The following CNTNAP2 variants were observed in gnomAD, a reference collection of about 807,000 sequenced individuals.
The protein encoded by CNTNAP2 is contactin associated protein 2.
Under a neutral mutation model 155.2 loss-of-function variants are expected in CNTNAP2, and 98 were observed. That is an observed-to-expected ratio of 0.63 (90% CI 0.54 to 0.75). The LOEUF (loss-of-function observed/expected upper bound fraction) is 0.75. Among genes scored for constraint, CNTNAP2 ranks in the 30% least tolerant of loss-of-function variants. The pLI, the probability that CNTNAP2 is intolerant of heterozygous loss-of-function variation, is 0.00. For missense variants in CNTNAP2, 1,727 were observed against 1,688.1 expected (o/e 1.02, Z -0.40); for synonymous variants, 651 against 631.2 (o/e 1.03, Z -0.47).
chr7:147,991,670 A>T (rs941933967), intron 15 of CNTNAP2, among the ~76,000 whole-genome samples: 1 of 152,330 alleles, frequency 6.6e-6, no homozygotes, highest in Non-Finnish European at 1.5e-5. Context: ...TATATAACTC[A>T]TTGTTTAATC....
At chr7:146,373,399 A>AACATAC (rs1449483896) in intron 1 of CNTNAP2, among the ~76,000 whole-genome samples, 2 of 131,092 alleles carry the variant, frequency 1.5e-5, no homozygotes, top group African/African-American at 8.7e-5. Context: ...AAAGGAACTT[A>AACATAC]ACACATACAC....
intron 10 of CNTNAP2, among the ~76,000 whole-genome samples, chr7:147,483,487 C>G (rs950591633): frequency 6.6e-6 from 1 of 152,036 alleles, no homozygotes; most frequent in Admixed American, 6.6e-5. Flanking sequence ...TTTCTATCAT[C>G]GAGATGATTT....
chr7:147,120,840 C>A, intron 5 of CNTNAP2, 139 bp from the exon 6 acceptor site: 4 of 763,260 alleles, frequency 5.2e-6, no homozygotes, highest in Non-Finnish European at 9.0e-6. Context: ...TCGTTACTTA[C>A]TGGTATCCCA....
intron 8 of CNTNAP2, among the ~76,000 whole-genome samples, chr7:147,251,662 TCTGA>T (rs1804201361): frequency 6.6e-6 from 1 of 152,196 alleles, no homozygotes; most frequent in African/African-American, 2.4e-5. Flanking sequence ...CTTGGTCATG[TCTGA>T]CTGTGCACTG....
intron 1 of CNTNAP2, among the ~76,000 whole-genome samples, chr7:146,300,756 A>C (rs115673914): frequency 0.029 from 4,425 of 152,224 alleles, 103 homozygotes; most frequent in African/African-American, 0.061. Flanking sequence ...GAAGAAATAA[A>C]TCAAAATAGG....
intron 16 of CNTNAP2, among the ~76,000 whole-genome samples, chr7:148,142,093 C>CTCTGTGTGTGTG (rs1554476721): frequency 2.2e-5 from 3 of 136,328 alleles, no homozygotes; most frequent in Admixed American, 7.3e-5. Flanking sequence ...AGATATGTCT[C>CTCTGTGTGTGTG]TGTGTGTGTG....
chr7:146,461,918 G>T (rs779905399), intron 1 of CNTNAP2, among the ~76,000 whole-genome samples: 12 of 152,160 alleles, frequency 7.9e-5, no homozygotes, highest in Non-Finnish European at 1.6e-4. Context: ...CCAGAAATGT[G>T]AAAGATAAAA....
intron 21 of CNTNAP2, among the ~76,000 whole-genome samples, chr7:148,355,165 G>GTTTTTT (rs1563055120): frequency 2.9e-4 from 8 of 27,796 alleles, no homozygotes; most frequent in Admixed American, 4.6e-4. Context: ...GCCGCCAGCT[G>GTTTTTT]CTTTTTTTTT....
intron 8 of CNTNAP2, among the ~76,000 whole-genome samples, chr7:147,202,258 T>C (rs973712951): frequency 2.2e-5 from 3 of 135,442 alleles, no homozygotes; most frequent in African/African-American, 8.2e-5. Context: ...AAAAAAGAAA[T>C]CTAAATGCTC....
At chr7:146,537,928 A>G (rs1006745196) in intron 1 of CNTNAP2, among the ~76,000 whole-genome samples, 1 of 152,098 alleles carries the variant, frequency 6.6e-6, no homozygotes, top group African/African-American at 2.4e-5. Context: ...TTTGGCTGTC[A>G]TGTGATTGAT....
intron 1 of CNTNAP2, among the ~76,000 whole-genome samples, chr7:146,284,290 T>G (rs1252297777): frequency 3.9e-5 from 6 of 152,162 alleles, no homozygotes; most frequent in Non-Finnish European, 8.8e-5. Flanking sequence ...CAAAGTATAT[T>G]AAAATGATTT....
intron 15 of CNTNAP2, among the ~76,000 whole-genome samples, chr7:148,017,144 T>C (rs1458174492): frequency 6.6e-6 from 1 of 152,228 alleles, no homozygotes; most frequent in Non-Finnish European, 1.5e-5. Context: ...GCACCTGAGC[T>C]TCTCATCTGC....
chr7:146,919,440 G>A (rs971925736), intron 3 of CNTNAP2, among the ~76,000 whole-genome samples: 2 of 152,164 alleles, frequency 1.3e-5, no homozygotes, highest in African/African-American at 4.8e-5. Flanking sequence ...CCAAACTGCA[G>A]TGGTTGTTAT....
At chr7:146,956,042 A>G (rs1449879548) in intron 3 of CNTNAP2, among the ~76,000 whole-genome samples, 1 of 151,940 alleles carries the variant, frequency 6.6e-6, no homozygotes, top group African/African-American at 2.4e-5. Context: ...TTTATATTCA[A>G]TCCTAGCACA....
intron 1 of CNTNAP2, among the ~76,000 whole-genome samples, chr7:146,275,212 C>A (rs966667033): frequency 3.3e-4 from 50 of 152,106 alleles, no homozygotes; most frequent in Non-Finnish European, 2.6e-4. Context: ...TTGTCATGTT[C>A]ATATTCATCA....
chr7:146,178,691 C>T (rs1016029094), intron 1 of CNTNAP2, among the ~76,000 whole-genome samples: 1 of 152,130 alleles, frequency 6.6e-6, no homozygotes, highest in African/African-American at 2.4e-5. Flanking sequence ...GAAAACAGTA[C>T]ATCTGCTAAA....
At chr7:147,007,662 C>T (rs1483418147) in intron 3 of CNTNAP2, among the ~76,000 whole-genome samples, 1 of 151,724 alleles carries the variant, frequency 6.6e-6, no homozygotes, top group Non-Finnish European at 1.5e-5. Flanking sequence ...TATAACCTGA[C>T]TAGAATTACT....
At chr7:146,570,631 G>A (rs1327855270) in intron 1 of CNTNAP2, among the ~76,000 whole-genome samples, 1 of 152,114 alleles carries the variant, frequency 6.6e-6, no homozygotes, top group African/African-American at 2.4e-5. Flanking sequence ...AGGTTGGAAA[G>A]TGAAGGTGAA....
Position 146,597,356 on chromosome 7 carries a change from T to C in CNTNAP2, c.98-176915T>C, listed in dbSNP as rs574865200. On this transcript the variant is annotated intron_variant, in intron 1 of 23. Coordinates refer to ENST00000361727, the MANE Select transcript of CNTNAP2 (RefSeq NM_014141.6). The stretch of plus-strand genomic sequence containing the variant: ...ACGTATCCACAGAGAATAATCTCAT[T>C]GTTGGCTTTAGAAATAAAATAAATA... 4.6e-5 allele frequency among the ~76,000 whole-genome samples: 7 copies of C among 151,884 alleles called. No homozygotes were observed. The South Asian group carries it at 1.5e-3, about 31-fold the overall frequency.
Sources: gnomAD v4.1 joint callset for allele counts (sites outside exome capture counted in the v4.1 genomes callset) on GRCh38, gnomAD v4.1.1 for gene constraint, MANE v1.5 for transcripts, NCBI Gene and HGNC (gene_info 2026-07-23, HGNC 2026-07-21) for gene names.